The following ARNT2 variants were observed in gnomAD, a reference collection of about 807,000 sequenced individuals.
ARNT2 encodes ARNT protein 2.
A neutral mutation model predicts 91.7 loss-of-function variants in ARNT2; 36 were observed. The ratio of observed to expected loss-of-function variants is 0.39; its 90% CI spans 0.30 to 0.52. The LOEUF (loss-of-function observed/expected upper bound fraction) is 0.52, where lower values mean the gene tolerates loss of function less well. Ranked by LOEUF, ARNT2 falls within the 20% of genes least tolerant of loss-of-function variation. The pLI is 0.72. For missense variants in ARNT2, 775 were observed against 939.3 expected (o/e 0.83, Z 2.29); for synonymous variants, 365 against 347.1 (o/e 1.05, Z -0.57).
At chr15:80,559,861 A>G (rs963335488) in intron 11 of ARNT2, among the ~76,000 whole-genome samples, 1 of 152,150 alleles carries the variant, frequency 6.6e-6, no homozygotes, top group Admixed American at 6.5e-5. Flanking sequence ...TTGGCCATCT[A>G]CCGCATTGCA....
chr15:80,494,055 T>G (rs1897091718), intron 5 of ARNT2, among the ~76,000 whole-genome samples: 1 of 152,216 alleles, frequency 6.6e-6, no homozygotes, highest in African/African-American at 2.4e-5. Flanking sequence ...ACCATGCTTC[T>G]TATACAGCTT....
At chr15:80,498,359 T>G (rs1897147534) in intron 5 of ARNT2, among the ~76,000 whole-genome samples, 2 of 152,216 alleles carry the variant, frequency 1.3e-5, no homozygotes, top group Admixed American at 1.3e-4. Flanking sequence ...CTCAACCTCC[T>G]TGGTGTGGGA....
rs36079576 is a variant in ARNT2, at chr15:80,593,882, G to A, written c.*184G>A. On this transcript the variant is annotated 3_prime_UTR_variant, in exon 19 of 19. Coordinates refer to ENST00000303329, the MANE Select transcript of ARNT2 (RefSeq NM_014862.4). ...CTCTCCCCTGCAGCCGCGGCTGCTC[G>A]GCCACTGACCAGGGGCCCTGGCAGA... is the stretch of plus-strand genomic sequence containing the variant. The A allele has an allele frequency of 6.2e-5, 37 of 593,918 alleles. 1 individual carries two copies. The highest frequency in any genetic ancestry group is 3.0e-4 in the South Asian group (14 of 47,124). 36.8% of individuals were successfully genotyped at this position (593,918 alleles called of 1,614,324 possible).
chr15:80,542,784 A>C (rs1897931922), intron 8 of ARNT2, among the ~76,000 whole-genome samples: 1 of 152,134 alleles, frequency 6.6e-6, no homozygotes, highest in South Asian at 2.1e-4. Context: ...ACTGAGAAGA[A>C]CATCATTTTC....
intron 5 of ARNT2, among the ~76,000 whole-genome samples, chr15:80,503,858 T>G (rs1038059369): frequency 2.0e-5 from 3 of 152,156 alleles, no homozygotes; most frequent in Non-Finnish European, 4.4e-5. Context: ...GTCAGCATGG[T>G]GGTGATTGCT....
chr15:80,427,968 C>T (rs543055827), intron 1 of ARNT2, among the ~76,000 whole-genome samples: 8 of 152,382 alleles, frequency 5.2e-5, no homozygotes, highest in Admixed American at 2.0e-4. Flanking sequence ...CCACTGTCTT[C>T]TCCAGCGTTC....
rs74027986 is a variant in ARNT2 at position 80,479,199 on chromosome 15, C to G, written c.622+3976C>G. On this transcript the variant is annotated intron_variant, in intron 5 of 18. Transcript: ENST00000303329. ...ACCTGACTTCACTGGGGCCTGCAGA[C>G]TCCCATGTTGGCTCAGGGACCCCAG... 5.3e-3 allele frequency among the ~76,000 whole-genome samples: 802 copies of G among 152,338 alleles called. 6 individuals are homozygous for G. Among genetic ancestry groups the G allele is most frequent in the African/African-American group, 0.018 (740 of 41,580 alleles).
In ARNT2 at chr15:80,441,323, C is replaced by T. The variant is rs995868176; in HGVS notation, c.32-9557C>T. 6 of 985,058 alleles carry T rather than the reference C, an allele frequency of 6.1e-6. No individual in the cohort carries two copies. The African/African-American group carries it at 1.0e-4, about 17-fold the overall frequency. The allele number at this position is 985,058 out of a possible 1,614,324, so 61.0% of individuals were successfully genotyped here. On this transcript the variant is annotated intron_variant, in intron 1 of 18. Coordinates refer to ENST00000303329, the MANE Select transcript of ARNT2 (RefSeq NM_014862.4). ...TTCTTCTACACGGATAACAGATTCT[C>T]CTAAGAAGGTGTTGGTCACAAGGAA...
intron 1 of ARNT2, chr15:80,441,438 A>T: frequency 1.0e-6 from 1 of 971,680 alleles, no homozygotes; most frequent in Non-Finnish European, 1.2e-6. Context: ...AGAGATGAAT[A>T]TTGAGAAGAG....
chr15:80,512,468 G>C (rs1845742045), intron 6 of ARNT2, among the ~76,000 whole-genome samples: 1 of 152,208 alleles, frequency 6.6e-6, no homozygotes, highest in Non-Finnish European at 1.5e-5. Flanking sequence ...TTTAACTTAG[G>C]ACTGGGTCCC....
At chr15:80,505,874 C>A (rs1447497213) in intron 5 of ARNT2, among the ~76,000 whole-genome samples, 3 of 150,372 alleles carry the variant, frequency 2.0e-5, no homozygotes, top group Admixed American at 2.0e-4. Context: ...CATGTAAGAG[C>A]TTCCAAGAGA....
intron 8 of ARNT2, among the ~76,000 whole-genome samples, chr15:80,550,953 C>G: frequency 6.6e-6 from 1 of 152,236 alleles, no homozygotes; most frequent in East Asian, 1.9e-4. Context: ...TCCATTTCAT[C>G]TTCCTTAATT....
At chr15:80,458,047 A>G (rs913248410) in intron 3 of ARNT2, 71 bp downstream of exon 3, 3 of 1,508,724 alleles carry the variant, frequency 2.0e-6, no homozygotes, top group South Asian at 1.1e-5. Flanking sequence ...AGATACAAGA[A>G]TGTAACGTCT....
Position 80,596,072 on chromosome 15 carries a change from A to G in ARNT2, c.*2374A>G, listed in dbSNP as rs1314094657. ...GGTGCATACACAGACCCAGGTGAAC[A>G]CGCTGACTGTGAACCTGCCCTGTAT... On this transcript the variant is annotated 3_prime_UTR_variant, in exon 19 of 19. Transcript: ENST00000303329. 2 of 152,224 alleles carry G rather than the reference A, an allele frequency of 1.3e-5. No homozygotes were observed. The highest frequency in any genetic ancestry group is 2.9e-5 in the Non-Finnish European group (2 of 68,054). The allele number at this position is 152,224 out of a possible 1,614,324, so 9.4% of individuals were successfully genotyped here. A position where few individuals can be genotyped will look rare whatever the true frequency, so the allele number is the denominator to read the frequency against.
Position 80,513,276 on chromosome 15 carries a change from C to G in ARNT2, c.726-635C>G, listed in dbSNP as rs571947593. Among the ~76,000 whole-genome samples the G allele has an allele frequency of 7.9e-5, 12 of 152,262 alleles. No homozygotes were observed. In the South Asian group the frequency reaches 2.5e-3, roughly 32 times the overall value. ...GCAGGAAAGGTTGTCCCAGAGTGTA[C>G]AGTGTGATGCCACCATCCCCTGCCT... On this transcript the variant is annotated intron_variant, in intron 6 of 18. Coordinates refer to ENST00000303329, the MANE Select transcript of ARNT2 (RefSeq NM_014862.4).
chr15:80,509,964 T>A (rs1897319874), intron 6 of ARNT2, among the ~76,000 whole-genome samples: 1 of 152,138 alleles, frequency 6.6e-6, no homozygotes, highest in African/African-American at 2.4e-5. Flanking sequence ...AGATGAGAGG[T>A]CCCTGAAGTT....
intron 1 of ARNT2, among the ~76,000 whole-genome samples, chr15:80,428,459 G>T (rs1424962391): frequency 6.6e-6 from 1 of 152,160 alleles, no homozygotes; most frequent in African/African-American, 2.4e-5. Flanking sequence ...TTATCCACAG[G>T]GTTGTGTCAA....
intron 1 of ARNT2, among the ~76,000 whole-genome samples, chr15:80,427,173 G>A (rs1895945512): frequency 6.6e-6 from 1 of 151,936 alleles, no homozygotes; most frequent in African/African-American, 2.4e-5. Flanking sequence ...AATAAATTCG[G>A]GCAAAAAGGG....
At position 80,450,973 on chromosome 15, in the gene ARNT2, G is replaced by GT; in HGVS notation, c.126dup (p.Gly43TrpfsTer12). The GT allele has an allele frequency of 6.2e-7, 1 of 1,613,956 alleles. No homozygotes were observed. Among genetic ancestry groups the GT allele is most frequent in the Non-Finnish European group, 8.5e-7 (1 of 1,179,982 alleles). The stretch of plus-strand genomic sequence containing the variant: ...AGGATGGCGGGGGCCATGCCTGCCC[G>GT]TGGAGGAAAGCGGCGTTCCGGGTAA... On this transcript the variant is annotated frameshift_variant, in exon 2 of 19. Coordinates refer to ENST00000303329, the MANE Select transcript of ARNT2 (RefSeq NM_014862.4). LOFTEE classifies it high-confidence loss of function.
Sources: gnomAD v4.1 joint callset for allele counts (sites outside exome capture counted in the v4.1 genomes callset) on GRCh38, gnomAD v4.1.1 for gene constraint, MANE v1.5 for transcripts, NCBI Gene and HGNC (gene_info 2026-07-23, HGNC 2026-07-21) for gene names.